ADAP1: variants seen among roughly 807,000 people sequenced by gnomAD.
The protein encoded by ADAP1 is ArfGAP with dual PH domains 1, also known as arf-GAP with dual PH domain-containing protein 1.
Under a neutral mutation model 54.9 loss-of-function variants are expected in ADAP1, and 31 were observed. The observed-to-expected ratio is 0.56, with a 90% CI of 0.42 to 0.76. ADAP1 has a LOEUF of 0.76. ADAP1 is among the 30% of genes least tolerant of loss of function. The pLI is 0.00. For synonymous variants in ADAP1, 313 were observed against 202.6 expected, an observed-to-expected ratio of 1.55 and a Z score of -4.63; for missense variants, 535 against 512.4, an observed-to-expected ratio of 1.04 and a Z score of -0.42.
At chr7:927,651 T>C (rs1846433793) in intron 2 of ADAP1, 1 of 358,120 alleles carries the variant, frequency 2.8e-6, no homozygotes, top group African/African-American at 2.2e-5. Context: ...CGAAAACCAA[T>C]GGCTTTTCCA....
intron 2 of ADAP1, among the ~76,000 whole-genome samples, chr7:929,046 C>A (rs1846478994): frequency 6.6e-6 from 1 of 152,216 alleles, no homozygotes; most frequent in South Asian, 2.1e-4. Flanking sequence ...GTCATCCCAG[C>A]ACTTCAGGAG....
At chr7:906,685 C>CATGGGGG (rs1446217617) in intron 4 of ADAP1, among the ~76,000 whole-genome samples, 2 of 48,936 alleles carry the variant, frequency 4.1e-5, no homozygotes, top group African/African-American at 1.1e-4. Context: ...GGACAGGGGA[C>CATGGGGG]ACGGGGGACA....
chr7:937,500 C>T (rs1309179433), intron 1 of ADAP1, among the ~76,000 whole-genome samples: 3 of 26,074 alleles, frequency 1.2e-4, no homozygotes, highest in Non-Finnish European at 6.1e-5. Context: ...AGGTCATGCC[C>T]GGCCTCTGGG....
At position 948,397 on chromosome 7, in the gene ADAP1, C is replaced by T. The variant is rs183320539; in HGVS notation, c.82+5999G>A. ...TGGTGGCCCGAGTTTCGGCTTCCCT[C>T]CCCGCCGGCCCATGGCCTGGCCTCG... is the stretch of plus-strand genomic sequence containing the variant. On this transcript the variant is annotated intron_variant, in intron 1 of 10. Transcript: ENST00000265846. 7.9e-3 allele frequency among the ~76,000 whole-genome samples: 1,200 copies of T among 152,274 alleles called. 78 individuals are homozygous for T. Among genetic ancestry groups the T allele is most frequent in the Admixed American group, 0.068 (1,047 of 15,286 alleles).
At chr7:899,845 C>T (rs1268495471) in intron 8 of ADAP1, among the ~76,000 whole-genome samples, 3 of 152,154 alleles carry the variant, frequency 2.0e-5, no homozygotes, top group Admixed American at 1.3e-4. Context: ...AAGATGTGGG[C>T]CCCTGGCCGC....
intron 1 of ADAP1, among the ~76,000 whole-genome samples, 199 bp downstream of exon 1, chr7:954,197 C>G (rs1847333583): frequency 6.6e-6 from 1 of 151,666 alleles, no homozygotes; most frequent in Non-Finnish European, 1.5e-5. Flanking sequence ...GCGCCCGGCC[C>G]GGGAAGACGT....
chr7:938,527 G>A lies in ADAP1; in HGVS notation c.83-3022C>T, dbSNP rs1846846761. Among the ~76,000 whole-genome samples, 1 of 152,016 alleles carries A rather than the reference G, an allele frequency of 6.6e-6. No homozygotes were observed. Among genetic ancestry groups the A allele is most frequent in the South Asian group, 2.1e-4 (1 of 4,832 alleles). On this transcript the variant is annotated intron_variant, in intron 1 of 10. Coordinates refer to ENST00000265846, the MANE Select transcript of ADAP1 (RefSeq NM_006869.4). The surrounding 1 kb of genome is among the most constrained non-coding windows in gnomAD (Gnocchi z 4.4). Reference sequence around the variant, plus strand: ...ACACCCCTGGAGAACAGGTGGGGAAGAACCACACTGAAGTCCCAGAAGAGA... The same window carrying A: ...ACACCCCTGGAGAACAGGTGGGGAAAAACCACACTGAAGTCCCAGAAGAGA...
intron 6 of ADAP1, among the ~76,000 whole-genome samples, chr7:902,519 C>G (rs1227141294): frequency 7.7e-6 from 1 of 130,532 alleles, no homozygotes; most frequent in Non-Finnish European, 1.6e-5. Flanking sequence ...ACCAAAGGCT[C>G]TCTGAAAAAC....
chr7:905,472 A>AAGGGAG (rs1198847820), intron 4 of ADAP1: 8 of 129,336 alleles, frequency 6.2e-5, no homozygotes, highest in Admixed American at 2.4e-4. Context: ...GAGAAAGGAG[A>AAGGGAG]AAGGGAAAGG....
intron 6 of ADAP1, among the ~76,000 whole-genome samples, chr7:901,706 C>T (rs1055789036): frequency 9.9e-5 from 15 of 151,264 alleles, no homozygotes; most frequent in South Asian, 4.2e-4. Flanking sequence ...TCCTAGGCCA[C>T]GCCCACAAGC....
rs761938821 is a variant in ADAP1 at position 900,178 on chromosome 7, C to T, written c.733-14G>A. 26 of 1,612,912 alleles carry T rather than the reference C, an allele frequency of 1.6e-5. No individual in the cohort carries two copies. Among genetic ancestry groups the T allele is most frequent in the South Asian group, 2.2e-5 (2 of 91,096 alleles). ...CTTTGGCACCAGCTAGGGCAGGACA[C>T]ACCAGGCAGGGGACCTCAGAAGTGC... On this transcript the variant is annotated splice_polypyrimidine_tract_variant and intron_variant, in intron 7 of 10. Transcript: ENST00000265846.
At position 905,270 on chromosome 7, in the gene ADAP1, C is replaced by G. The variant is rs559511383; in HGVS notation, c.389-98G>C. ...GGACAGAGGGGACATGGGGAGAAGACACGGGGGACACGGACGGGGGACACG... is the reference window on the plus strand; with the variant it reads ...GGACAGAGGGGACATGGGGAGAAGAGACGGGGGACACGGACGGGGGACACG... On this transcript the variant is annotated intron_variant, in intron 4 of 10. Transcript: ENST00000265846. 30 of 507,932 alleles carry G rather than the reference C, an allele frequency of 5.9e-5. 1 individual carries two copies. The African/African-American group carries it at 1.5e-3, about 25-fold the overall frequency. The allele number at this position is 507,932 out of a possible 1,614,324, so 31.5% of individuals were successfully genotyped here.
chr7:951,956 C>A (rs1056577492), intron 1 of ADAP1, among the ~76,000 whole-genome samples: 3 of 152,306 alleles, frequency 2.0e-5, no homozygotes, highest in East Asian at 3.9e-4. Context: ...CGTGAGCCAC[C>A]GCGCCCGGTC....
intron 6 of ADAP1, among the ~76,000 whole-genome samples, chr7:902,475 A>AATGCCTGGGCGTGGTGGT (rs1491159593): frequency 1.4e-5 from 2 of 142,264 alleles, no homozygotes; most frequent in African/African-American, 5.3e-5. Flanking sequence ...AAAAAAAGAA[A>AATGCCTGGGCGTGGTGGT]GAAAAGAAAG....
rs780569762 is a variant in ADAP1 at position 905,047 on chromosome 7, G to A, written c.501+13C>T. ...TGGGACAGGCCCCCACCCCACCCCC[G>A]TCTGTGACTCACATCATTTCTGTTG... is the stretch of plus-strand genomic sequence containing the variant. On this transcript the variant is annotated intron_variant, in intron 5 of 10. Coordinates refer to ENST00000265846, the MANE Select transcript of ADAP1 (RefSeq NM_006869.4). The A allele has an allele frequency of 6.8e-6, 11 of 1,606,796 alleles. No individual in the cohort carries two copies. Among genetic ancestry groups the A allele is most frequent in the East Asian group, 2.2e-5 (1 of 44,870 alleles).
chr7:906,734 GGACAGA>G (rs1845444023), intron 4 of ADAP1, among the ~76,000 whole-genome samples: 1 of 37,850 alleles, frequency 2.6e-5, no homozygotes, highest in African/African-American at 1.1e-4. Flanking sequence ...GGGACATGGG[GGACAGA>G]GTACATAGGG....
At position 920,391 on chromosome 7, in the gene ADAP1, T is replaced by C. The variant is rs1330369205; in HGVS notation, c.306-341A>G. Among the ~76,000 whole-genome samples the C allele has an allele frequency of 6.6e-6, 1 of 151,090 alleles. No homozygotes were observed. Among genetic ancestry groups the C allele is most frequent in the Non-Finnish European group, 1.5e-5 (1 of 67,758 alleles). On this transcript the variant is annotated intron_variant, in intron 3 of 10. Transcript: ENST00000265846. The surrounding 1 kb of genome is among the most constrained non-coding windows in gnomAD (Gnocchi z 4.5). Reference sequence around the variant, plus strand: ...GCCCCACAGGGCTGGGGTACAGGGGTTGAGCCAGGCCCCCCCACCCCGAGT... The same window carrying C: ...GCCCCACAGGGCTGGGGTACAGGGGCTGAGCCAGGCCCCCCCACCCCGAGT...
chr7:911,836 C>T (rs1261038102), intron 4 of ADAP1, among the ~76,000 whole-genome samples: 2 of 151,962 alleles, frequency 1.3e-5, no homozygotes, highest in East Asian at 1.9e-4. Flanking sequence ...GGCCAGGAGC[C>T]GACACCCACC....
intron 2 of ADAP1, among the ~76,000 whole-genome samples, chr7:930,424 T>C (rs1243752582): frequency 7.9e-5 from 1 of 12,608 alleles, no homozygotes; most frequent in African/African-American, 1.3e-3. Context: ...ACACCTGTAA[T>C]CCCAGCACTT....
Sources: gnomAD v4.1 joint callset for allele counts (sites outside exome capture counted in the v4.1 genomes callset) on GRCh38, gnomAD v4.1.1 for gene constraint, Gnocchi (gnomAD v3.1) non-coding constraint, MANE v1.5 for transcripts, NCBI Gene and HGNC (gene_info 2026-07-23, HGNC 2026-07-21) for gene names.